Variants in CD99L2 observed in about 807,000 individuals in gnomAD.
The protein encoded by CD99L2 is CD99 molecule like 2.
Under a neutral mutation model 27.3 loss-of-function variants are expected in CD99L2, and 24 were observed. The ratio of observed to expected loss-of-function variants is 0.88; its 90% CI spans 0.64 to 1.24. The LOEUF is 1.24. Ranked by LOEUF, CD99L2 falls within the 50% of genes most tolerant of loss-of-function variation. The probability of loss-of-function intolerance (pLI) is 0.00; values close to 1 mark genes in which losing one functional copy is unlikely to be tolerated. For missense variants in CD99L2, 255 were observed against 221.6 expected (o/e 1.15, Z -0.96); for synonymous variants, 97 against 87.9 (o/e 1.10, Z -0.58).
chrX:150,820,185 G>C (rs2046223887), intron 2 of CD99L2, among the ~76,000 whole-genome samples: 1 of 109,182 alleles, frequency 9.2e-6, no homozygotes, highest in African/African-American at 3.3e-5. Flanking sequence ...ACCAAGAGGG[G>C]TTTATCTCAG....
intron 4 of CD99L2, among the ~76,000 whole-genome samples, chrX:150,798,077 GAGA>G (rs1436763089): frequency 1.2e-5 from 1 of 83,070 alleles, no homozygotes. Context: ...GAAGGAGAAG[GAGA>G]AGAAGGAGGA....
intron 4 of CD99L2, among the ~76,000 whole-genome samples, chrX:150,802,743 A>G (rs1299295888): frequency 1.9e-4 from 18 of 94,153 alleles, no homozygotes; most frequent in South Asian, 1.1e-3. Context: ...CACCACGCCC[A>G]GCTAATTTTT....
chrX:150,882,286 AC>A (rs1488684133), intron 1 of CD99L2, among the ~76,000 whole-genome samples: 3 of 111,722 alleles, frequency 2.7e-5, no homozygotes, highest in Non-Finnish European at 5.6e-5. Context: ...TTAACTGAGC[AC>A]CAAGGTTTAG....
chrX:150,806,754 G>A (rs1390321291), intron 4 of CD99L2, among the ~76,000 whole-genome samples: 2 of 110,881 alleles, frequency 1.8e-5, no homozygotes, highest in Non-Finnish European at 3.8e-5. Context: ...AGCCGGGCGT[G>A]GTGGTGGGAG....
intron 1 of CD99L2, among the ~76,000 whole-genome samples, chrX:150,841,642 C>CCCTT (rs2046624965): frequency 9.0e-6 from 1 of 111,237 alleles, no homozygotes. Flanking sequence ...CAGCCATTCC[C>CCCTT]CCTACTGCTT....
At position 150,804,702 on chromosome X, in the gene CD99L2, CAAAG is replaced by C. The variant is rs1391085026; in HGVS notation, c.278-9220_278-9217del. The stretch of plus-strand genomic sequence containing the variant: ...ATTGACAAACCTTTAGCAAGATTGA[CAAAG>C]AAAAAGAGAGAGGACTCATTACTGA... On this transcript the variant is annotated intron_variant, in intron 4 of 10. Coordinates refer to ENST00000370377, the MANE Select transcript of CD99L2 (RefSeq NM_031462.4). 2.7e-5 allele frequency among the ~76,000 whole-genome samples: 3 copies of C among 110,456 alleles called. No individual in the cohort carries two copies. The Admixed American group carries it at 2.9e-4, about 11-fold the overall frequency.
chrX:150,898,311 C>T (rs1398600622), intron 1 of CD99L2, among the ~76,000 whole-genome samples: 1 of 112,138 alleles, frequency 8.9e-6, no homozygotes, highest in African/African-American at 3.2e-5. Flanking sequence ...GGGACCCACC[C>T]CTCCTCTCCG....
chrX:150,871,634 G>A (rs2124346080), intron 1 of CD99L2, among the ~76,000 whole-genome samples: 1 of 112,065 alleles, frequency 8.9e-6, no homozygotes, highest in Admixed American at 9.5e-5. Context: ...CTCACTCCTA[G>A]GTTCCATCCA....
intron 2 of CD99L2, among the ~76,000 whole-genome samples, chrX:150,822,680 T>C (rs1257206363): frequency 1.8e-5 from 2 of 112,498 alleles, no homozygotes; most frequent in Non-Finnish European, 3.8e-5. Context: ...ATGATGGATA[T>C]ATTAACTTGC....
At chrX:150,878,914 T>C (rs1247177945) in intron 1 of CD99L2, among the ~76,000 whole-genome samples, 1 of 112,178 alleles carries the variant, frequency 8.9e-6, no homozygotes, top group African/African-American at 3.2e-5. Flanking sequence ...CATTTCCTGC[T>C]ACCAACTCTA....
chrX:150,794,308 G>C (rs1226141777), intron 6 of CD99L2, among the ~76,000 whole-genome samples: 1 of 111,779 alleles, frequency 8.9e-6, no homozygotes, highest in African/African-American at 3.3e-5. Flanking sequence ...GAGCTTGGAA[G>C]GGAACCCAAC....
chrX:150,892,385 T>C (rs1557422866), intron 1 of CD99L2, among the ~76,000 whole-genome samples: 1 of 105,083 alleles, frequency 9.5e-6, no homozygotes, highest in Admixed American at 1.0e-4. Flanking sequence ...GGCAGGCGGA[T>C]CACGAGGTCA....
chrX:150,787,439 A>T (rs967608151), intron 7 of CD99L2, among the ~76,000 whole-genome samples: 7 of 111,319 alleles, frequency 6.3e-5, no homozygotes, highest in African/African-American at 2.3e-4. Flanking sequence ...AATCTTCTGC[A>T]TATGGCCAGC....
At chrX:150,802,880 CTTTTTTTTTTTTTTT>C (rs34693200) in intron 4 of CD99L2, among the ~76,000 whole-genome samples, 7 of 20,826 alleles carry the variant, frequency 3.4e-4, no homozygotes, top group South Asian at 4.3e-3. Flanking sequence ...CGTGCCCAGC[CTTTTTTTTTTTTTTT>C]TTTTTTTTTT....
At chrX:150,780,959 C>A (rs1557419422) in intron 7 of CD99L2, among the ~76,000 whole-genome samples, 2 of 112,177 alleles carry the variant, frequency 1.8e-5, no homozygotes, top group Non-Finnish European at 3.8e-5. Flanking sequence ...AGCAGTACCA[C>A]TCAAAGTGTC....
At position 150,869,822 on chromosome X, in the gene CD99L2, TA is replaced by T. The variant is rs1161417715; in HGVS notation, c.67+28699del. ...GACTATCCATATAAGCAAGTAGTTTTAAAAAAAAACTCTTTCAAACATGTTT... is the reference window on the plus strand; with the variant it reads ...GACTATCCATATAAGCAAGTAGTTTTAAAAAAAACTCTTTCAAACATGTTT... On this transcript the variant is annotated intron_variant, in intron 1 of 10. Coordinates refer to ENST00000370377, the MANE Select transcript of CD99L2 (RefSeq NM_031462.4). Among the ~76,000 whole-genome samples the T allele has an allele frequency of 5.2e-3, 570 of 110,152 alleles. 7 individuals are homozygous for T. The highest frequency in any genetic ancestry group is 9.3e-3 in the Middle Eastern group (2 of 214).
chrX:150,824,191 A>AG (rs1264567702), intron 2 of CD99L2, among the ~76,000 whole-genome samples: 26,007 of 38,203 alleles, frequency 0.68, 10,433 homozygotes, highest in East Asian at 0.92. Context: ...AGGAGGAGGA[A>AG]GAAGAAGAGG....
chrX:150,829,064 G>A (rs782725455), intron 2 of CD99L2: 2 of 113,949 alleles, frequency 1.8e-5, no homozygotes, highest in Admixed American at 9.4e-5. Context: ...ATTTGTCCAT[G>A]GCTGTAGCCC....
Position 150,768,915 on chromosome X carries a change from A to C in CD99L2, c.*119T>G. 1 of 1,065,733 alleles carries C rather than the reference A, an allele frequency of 9.4e-7. No homozygotes were observed. The highest frequency in any genetic ancestry group is 4.0e-5 in the Admixed American group (1 of 24,951). 87.8% of individuals were successfully genotyped at this position (1,065,733 alleles called of 1,213,427 possible). On this transcript the variant is annotated 3_prime_UTR_variant, in exon 11 of 11. Transcript: ENST00000370377. ...CCCAGAGCTCATCCGGGAAACTCAGACCAACAAGGAGCCGATGGCACAGAG... is the reference window on the plus strand; with the variant it reads ...CCCAGAGCTCATCCGGGAAACTCAGCCCAACAAGGAGCCGATGGCACAGAG...
Sources: gnomAD v4.1 joint callset for allele counts (sites outside exome capture counted in the v4.1 genomes callset) on GRCh38, gnomAD v4.1.1 for gene constraint, MANE v1.5 for transcripts, NCBI Gene and HGNC (gene_info 2026-07-23, HGNC 2026-07-21) for gene names.